ACTR3: variants seen among roughly 807,000 people sequenced by gnomAD.
The protein encoded by ACTR3 is actin-related protein 3.
A neutral mutation model predicts 56.8 loss-of-function variants in ACTR3; 12 were observed. The ratio of observed to expected loss-of-function variants is 0.21; its 90% CI spans 0.14 to 0.34. The LOEUF is 0.34. Ranked by LOEUF, ACTR3 falls within the 10% of genes least tolerant of loss-of-function variation. The probability of loss-of-function intolerance (pLI) is 1.00; values close to 1 mark genes in which losing one functional copy is unlikely to be tolerated. For missense variants in ACTR3, 282 were observed against 512.5 expected, an observed-to-expected ratio of 0.55 and a Z score of 4.34; for synonymous variants, 162 against 167.4, an observed-to-expected ratio of 0.97 and a Z score of 0.25.
intron 10 of ACTR3, chr2:113,953,279 T>C (rs1440400870): frequency 3.9e-5 from 6 of 152,220 alleles, no homozygotes; most frequent in Admixed American, 6.5e-5. Context: ...AGAAACAGAT[T>C]GGGTGTCCCT....
chr2:113,931,081 T>C (rs1679715608), intron 4 of ACTR3, among the ~76,000 whole-genome samples: 1 of 151,246 alleles, frequency 6.6e-6, no homozygotes, highest in African/African-American at 2.4e-5. Context: ...TTCAGGGTAT[T>C]TTTTTTTTAA....
chr2:113,949,424 C>G (rs969948220), intron 8 of ACTR3, among the ~76,000 whole-genome samples: 1 of 149,978 alleles, frequency 6.7e-6, no homozygotes, highest in Non-Finnish European at 1.5e-5. Flanking sequence ...TGACACATGC[C>G]TAATAATTAT....
At chr2:113,915,337 A>C (rs11123217) in intron 2 of ACTR3, among the ~76,000 whole-genome samples, 152,317 of 152,320 alleles carry the variant, frequency 1, 76,157 homozygotes, top group Middle Eastern at 1. Flanking sequence ...TGTCTTCTTA[A>C]TGTGCGTCTT....
chr2:113,913,351 G>C (rs1679343016), intron 2 of ACTR3, 124 bp downstream of exon 2: 5 of 671,086 alleles, frequency 7.5e-6, no homozygotes, highest in Non-Finnish European at 1.2e-5. Flanking sequence ...AACATGATTT[G>C]CCAGGTTCTA....
intron 6 of ACTR3, among the ~76,000 whole-genome samples, chr2:113,938,572 T>C (rs556673088): frequency 6.6e-6 from 1 of 152,328 alleles, no homozygotes; most frequent in East Asian, 1.9e-4. Context: ...TTCTGAGGAC[T>C]CTACTTCATG....
chr2:113,933,312 CAGCCTGGCTGAGATGGTGAA>C (rs998139708), intron 5 of ACTR3, among the ~76,000 whole-genome samples: 1 of 152,078 alleles, frequency 6.6e-6, no homozygotes, highest in African/African-American at 2.4e-5. Context: ...AGTTCAAGAT[CAGCCTGGCTGAGATGGTGAA>C]ACCCCGTCTC....
At chr2:113,916,681 T>C (rs1450322521) in intron 2 of ACTR3, among the ~76,000 whole-genome samples, 2 of 152,216 alleles carry the variant, frequency 1.3e-5, no homozygotes, top group South Asian at 2.1e-4. Flanking sequence ...TTTGAGGTCT[T>C]GTCTCTGAGT....
At chr2:113,891,504 A>T (rs562121779) in intron 1 of ACTR3, among the ~76,000 whole-genome samples, 1 of 151,854 alleles carries the variant, frequency 6.6e-6, no homozygotes, top group African/African-American at 2.4e-5. Context: ...CTTCAGGATG[A>T]CATATAGGAA....
intron 1 of ACTR3, among the ~76,000 whole-genome samples, chr2:113,892,140 T>C (rs1356903313): frequency 2.6e-5 from 4 of 152,210 alleles, no homozygotes; most frequent in African/African-American, 9.7e-5. Context: ...ATCTCCATTT[T>C]CCCCCTTTTG....
At chr2:113,930,722 A>G (rs1282344479) in intron 4 of ACTR3, among the ~76,000 whole-genome samples, 1 of 152,224 alleles carries the variant, frequency 6.6e-6, no homozygotes, top group Non-Finnish European at 1.5e-5. Context: ...TGAGGTTTCT[A>G]AGTGATGTAT....
Position 113,957,421 on chromosome 2 carries a change from G to C in ACTR3, c.1223G>C (p.Cys408Ser). 6.2e-7 allele frequency: 1 copy of C among 1,613,438 alleles called. No homozygotes were observed. Among genetic ancestry groups the C allele is most frequent in the Non-Finnish European group, 8.5e-7 (1 of 1,179,630 alleles). The stretch of plus-strand genomic sequence containing the variant: ...TATGAAGAAATTGGACCTAGCATTT[G>C]TCGTCACAATCCAGTGTTTGGAGTC... Reference protein sequence around the residue: ...KDYEEIGPSICRHNPVFGVMS With the variant: ...KDYEEIGPSISRHNPVFGVMS Residue 408 changes from cysteine to serine, a missense_variant, in exon 12 of 12, where the codon TGT becomes TCT. Transcript: ENST00000263238.
At chr2:113,914,529 C>T (rs10194262) in intron 2 of ACTR3, among the ~76,000 whole-genome samples, 3,975 of 148,698 alleles carry the variant, frequency 0.027, 143 homozygotes, top group African/African-American at 0.078. Context: ...GAGAATCGCT[C>T]GAACCCGGGA....
intron 1 of ACTR3, among the ~76,000 whole-genome samples, chr2:113,895,701 A>G (rs1678993998): frequency 6.6e-6 from 1 of 152,046 alleles, no homozygotes; most frequent in African/African-American, 2.4e-5. Flanking sequence ...TGGCAGTTAT[A>G]TTTCGTGTTA....
intron 1 of ACTR3, among the ~76,000 whole-genome samples, chr2:113,896,626 G>A (rs532632660): frequency 2.0e-5 from 3 of 152,354 alleles, no homozygotes; most frequent in South Asian, 4.1e-4. Flanking sequence ...AATGAAGGTG[G>A]ATATTTGGGA....
Position 113,920,028 on chromosome 2 carries a change from A to C in ACTR3, c.225+3020A>C, listed in dbSNP as rs568406879. On this transcript the variant is annotated intron_variant, in intron 3 of 11. Transcript: ENST00000263238. ...ATCCTCCACCTCCTGGGTTCAGGCG[A>C]TTCTCCTGCTTCAGCCTCCTGAGTA... is the stretch of plus-strand genomic sequence containing the variant. Among the ~76,000 whole-genome samples the C allele has an allele frequency of 2.4e-3, 365 of 152,308 alleles. 4 individuals are homozygous for C. The highest frequency in any genetic ancestry group is 8.3e-3 in the African/African-American group (346 of 41,556).
intron 3 of ACTR3, among the ~76,000 whole-genome samples, chr2:113,923,273 T>C (rs1477437694): frequency 6.6e-6 from 1 of 152,220 alleles, no homozygotes; most frequent in Non-Finnish European, 1.5e-5. Context: ...TGATTTGTCT[T>C]TCTTTTGCAG....
intron 1 of ACTR3, among the ~76,000 whole-genome samples, chr2:113,905,464 C>CAA (rs72433119): frequency 1.7e-5 from 2 of 119,170 alleles, no homozygotes. Context: ...GACTCCGTCT[C>CAA]AAAAAAAAAA....
At chr2:113,941,227 A>G (rs1679919283) in intron 7 of ACTR3, among the ~76,000 whole-genome samples, 1 of 152,218 alleles carries the variant, frequency 6.6e-6, no homozygotes, top group Non-Finnish European at 1.5e-5. Context: ...TTGGTGGCAT[A>G]AGAATTAAAT....
In ACTR3 at chr2:113,917,022, A is replaced by G. The variant is rs1350611198; in HGVS notation, c.225+14A>G. The G allele has an allele frequency of 1.3e-6, 2 of 1,592,960 alleles. No homozygotes were observed. The highest frequency in any genetic ancestry group is 1.7e-6 in the Non-Finnish European group (2 of 1,169,280). Reference sequence around the variant, plus strand: ...TATGCAACAAAGGTATGTTTTTATGATTTGTATAAATAACATTTTCAAAAA... The same window carrying G: ...TATGCAACAAAGGTATGTTTTTATGGTTTGTATAAATAACATTTTCAAAAA... On this transcript the variant is annotated intron_variant, in intron 3 of 11. Transcript: ENST00000263238.
Sources: gnomAD v4.1 joint callset for allele counts (sites outside exome capture counted in the v4.1 genomes callset) on GRCh38, gnomAD v4.1.1 for gene constraint, MANE v1.5 for transcripts, NCBI Gene and HGNC (gene_info 2026-07-23, HGNC 2026-07-21) for gene names.